SLC29A4: variants seen among roughly 807,000 people sequenced by gnomAD.
The protein encoded by SLC29A4 is equilibrative nucleoside transporter 4.
SLC29A4 carries 36 observed loss-of-function variants against 43.9 expected under a neutral mutation model. The observed-to-expected ratio is 0.82, with a 90% CI of 0.63 to 1.08. SLC29A4 has a LOEUF of 1.08. SLC29A4 is among the 50% of genes least tolerant of loss of function. The pLI is 0.00. For missense variants in SLC29A4, 869 were observed against 755.3 expected, an observed-to-expected ratio of 1.15 and a Z score of -1.77; for synonymous variants, 491 against 338.0, an observed-to-expected ratio of 1.45 and a Z score of -4.97.
intron 1 of SLC29A4, among the ~76,000 whole-genome samples, chr7:5,287,516 G>A (rs1271269750): frequency 3.9e-5 from 6 of 152,170 alleles, no homozygotes; most frequent in Non-Finnish European, 8.8e-5. Context: ...TCCCCCCAGG[G>A]GATACAGTCC....
chr7:5,290,078 G>T (rs1389889024), intron 2 of SLC29A4, among the ~76,000 whole-genome samples: 5 of 129,976 alleles, frequency 3.8e-5, no homozygotes, highest in African/African-American at 1.1e-4. Flanking sequence ...TTTTGAGACG[G>T]AGTCTCACTC....
At position 5,299,077 on chromosome 7, in the gene SLC29A4, C is replaced by G; in HGVS notation, c.972C>G (p.Arg324=). 6.2e-7 allele frequency: 1 copy of G among 1,611,070 alleles called. No homozygotes were observed. Among genetic ancestry groups the G allele is most frequent in the Non-Finnish European group, 8.5e-7 (1 of 1,179,556 alleles). Residue 324 remains arginine, a synonymous_variant, in exon 8 of 11, where the codon CGC becomes CGG. Transcript: ENST00000396872. ...CCGGCAGCGGCGGGGCCTACATGCG[C>G]TTTGATGTGCCGCGGCCAAGGGTCC... The part of the protein sequence containing the change: ...EVTGSGGAYM[R]FDVPRPRVQR...
intron 5 of SLC29A4, 35 bp downstream of exon 5, chr7:5,291,856 G>A: frequency 6.3e-7 from 1 of 1,599,536 alleles, no homozygotes; most frequent in Non-Finnish European, 8.5e-7. Context: ...GGCCTTGAGT[G>A]CCCACTTCCG....
Position 5,303,279 on chromosome 7 carries a change from C to A in SLC29A4, c.*340C>A. On this transcript the variant is annotated 3_prime_UTR_variant, in exon 11 of 11. Transcript: ENST00000396872. ...ACACGCACCGTGTCCCCACCCAGGA[C>A]AGCAGACACCCGCCAGAGTGTGCGC... 1 of 385,616 alleles carries A rather than the reference C, an allele frequency of 2.6e-6. No individual in the cohort carries two copies. Among genetic ancestry groups the A allele is most frequent in the Non-Finnish European group, 4.8e-6 (1 of 209,040 alleles). 23.9% of individuals were successfully genotyped at this position (385,616 alleles called of 1,614,324 possible).
In SLC29A4 at chr7:5,299,222, C is replaced by A. The variant is rs370148311; in HGVS notation, c.1022-18C>A. The A allele has an allele frequency of 4.4e-5, 71 of 1,604,316 alleles. No homozygotes were observed. Among genetic ancestry groups the A allele is most frequent in the Non-Finnish European group, 5.7e-5 (67 of 1,174,344 alleles). ...TCCCCGTGGGCGCTGCCTCTGACCCCCGCCCGCCACCCTCCAGCCCTGTTA... is the reference window on the plus strand; with the variant it reads ...TCCCCGTGGGCGCTGCCTCTGACCCACGCCCGCCACCCTCCAGCCCTGTTA... On this transcript the variant is annotated intron_variant, in intron 8 of 10. Transcript: ENST00000396872.
chr7:5,305,185 C>T lies in SLC29A4; in HGVS notation c.*2246C>T, dbSNP rs569221376. ...TTGATGTGGGTCCCGTAAAGGAGGG[C>T]ACGAGGGCCACCTATGCTCTGGCAG... On this transcript the variant is annotated 3_prime_UTR_variant, in exon 11 of 11. Transcript: ENST00000396872. 2.3e-4 allele frequency: 35 copies of T among 152,522 alleles called. No homozygotes were observed. The highest frequency in any genetic ancestry group is 7.9e-4 in the African/African-American group (33 of 41,582). 9.4% of individuals were successfully genotyped at this position (152,522 alleles called of 1,614,324 possible).
At position 5,285,275 on chromosome 7, in the gene SLC29A4, C is replaced by T. The variant is rs375880653; in HGVS notation, c.-9+2193C>T. On this transcript the variant is annotated intron_variant, in intron 1 of 10. Coordinates refer to ENST00000396872, the MANE Select transcript of SLC29A4 (RefSeq NM_153247.4). ...CTCGGCCGCCACCCCACCCCACCCCCAACCCCCCAGCTCCAGATGTGGCAG... is the reference window on the plus strand; with the variant it reads ...CTCGGCCGCCACCCCACCCCACCCCTAACCCCCCAGCTCCAGATGTGGCAG... Among the ~76,000 whole-genome samples the T allele has an allele frequency of 6.6e-5, 10 of 151,564 alleles. No homozygotes were observed. The South Asian group carries it at 2.1e-3, about 32-fold the overall frequency.
intron 7 of SLC29A4, among the ~76,000 whole-genome samples, chr7:5,297,582 A>G (rs7806335): frequency 0.035 from 5,344 of 152,308 alleles, 323 homozygotes; most frequent in African/African-American, 0.12. Context: ...GGCTGCGCCA[A>G]CCCACGTTGG....
At chr7:5,294,999 C>G in intron 6 of SLC29A4, 65 bp downstream of exon 6, 1 of 1,407,184 alleles carries the variant, frequency 7.1e-7, no homozygotes, top group African/African-American at 1.5e-5. Flanking sequence ...AAGCTTCTTC[C>G]CAGGGACTCC....
intron 10 of SLC29A4, among the ~76,000 whole-genome samples, chr7:5,301,187 C>A (rs1048998132): frequency 6.6e-6 from 1 of 151,724 alleles, no homozygotes; most frequent in East Asian, 1.9e-4. Context: ...TCACTTGAGC[C>A]CAGGAGTTGG....
chr7:5,299,064 G>T lies in SLC29A4; in HGVS notation c.959G>T (p.Gly320Val). ...GCCCACGAGGTGACCGGCAGCGGCG[G>T]GGCCTACATGCGCTTTGATGTGCCG... ...SPAHEVTGSG[G>V]AYMRFDVPRP... Residue 320 changes from glycine (G) to valine (V), a missense_variant, in exon 8 of 11, where the codon GGG (glycine) becomes GTG (valine). By Grantham distance (109) the Gly-to-Val change is moderately radical (BLOSUM62 -3). Transcript: ENST00000396872. The T allele has an allele frequency of 6.2e-7, 1 of 1,611,316 alleles. No individual in the cohort carries two copies. Among genetic ancestry groups the T allele is most frequent in the Non-Finnish European group, 8.5e-7 (1 of 1,179,668 alleles).
rs1785775089 is a variant in SLC29A4 at position 5,297,283 on chromosome 7, C to CCTCTCACCTGCATCCCAGA, written c.882+88_882+106dup. The CCTCTCACCTGCATCCCAGA allele has an allele frequency of 1.9e-5, 27 of 1,399,196 alleles. No homozygotes were observed. The South Asian group carries it at 2.4e-4, about 12-fold the overall frequency. 86.7% of individuals were successfully genotyped at this position (1,399,196 alleles called of 1,614,324 possible). ...TCGTCGGGAAGTACCTGGGGCCCAG[C>CCTCTCACCTGCATCCCAGA]CTCTCACCTGCATCCCAGACTGTGG... On this transcript the variant is annotated intron_variant, in intron 7 of 10. Transcript: ENST00000396872.
intron 5 of SLC29A4, 79 bp from the exon 6 acceptor site, chr7:5,294,781 C>T: frequency 6.9e-7 from 1 of 1,456,052 alleles, no homozygotes; most frequent in Non-Finnish European, 9.6e-7. Flanking sequence ...CGTCCACCAA[C>T]ACAGTTCTCT....
rs142745008 is a variant in SLC29A4 at position 5,296,994 on chromosome 7, C to G, written c.678C>G (p.Asp226Glu). ...TCCTCACGAAGCTGCTGCTGCCCGA[C>G]GAGCGCGCCAGCACGCTCATCTTCT... The part of the protein sequence containing the change: ...SRILTKLLLP[D>E]ERASTLIFFL... Residue 226 changes from aspartate (D) to glutamate (E), a missense_variant, in exon 7 of 11, where the codon GAC becomes GAG. Coordinates refer to ENST00000396872, the MANE Select transcript of SLC29A4 (RefSeq NM_153247.4). 6.9e-6 allele frequency: 11 copies of G among 1,603,868 alleles called. No homozygotes were observed. The East Asian group carries it at 8.9e-5, about 13-fold the overall frequency.
chr7:5,298,127 A>G (rs376442579), intron 7 of SLC29A4, among the ~76,000 whole-genome samples: 2 of 152,190 alleles, frequency 1.3e-5, no homozygotes, highest in African/African-American at 4.8e-5. Context: ...ATGGTCATGC[A>G]GGCCTTGATC....
In SLC29A4 at chr7:5,299,274, G is replaced by C. The variant is rs1453383777; in HGVS notation, c.1056G>C (p.Val352=). 1 of 1,612,104 alleles carries C rather than the reference G, an allele frequency of 6.2e-7. No homozygotes were observed. The highest frequency in any genetic ancestry group is 1.1e-5 in the South Asian group (1 of 91,018). ...LLLHRYVVAR[V]IWADMLSIAV... is the part of the protein sequence containing the mutation. ...TGCACCGCTACGTGGTGGCGCGGGT[G>C]ATCTGGGCCGACATGCTCTCCATCG... The change falls in exon 9 of 11, where the codon GTG becomes GTC. Residue 352 remains valine (V), a synonymous_variant. Coordinates refer to ENST00000396872, the MANE Select transcript of SLC29A4 (RefSeq NM_153247.4).
At chr7:5,292,236 G>A (rs1785356373) in intron 5 of SLC29A4, among the ~76,000 whole-genome samples, 1 of 152,120 alleles carries the variant, frequency 6.6e-6, no homozygotes, top group South Asian at 2.1e-4. Context: ...TCAGCCTCCT[G>A]AGTAGCTAGG....
intron 3 of SLC29A4, 58 bp downstream of exon 3, chr7:5,290,921 C>A: frequency 6.4e-7 from 1 of 1,566,922 alleles, no homozygotes; most frequent in Non-Finnish European, 8.7e-7. Context: ...GGCCTGGGGC[C>A]TCCCAGAAAC....
In SLC29A4 at chr7:5,300,575, C is replaced by A. The variant is rs760756705; in HGVS notation, c.1363C>A (p.Leu455Ile). 1.9e-6 allele frequency: 3 copies of A among 1,612,146 alleles called. No homozygotes were observed. Among genetic ancestry groups the A allele is most frequent in the Non-Finnish European group, 2.5e-6 (3 of 1,179,552 alleles). Residue 455 changes from leucine to isoleucine, a missense_variant, in exon 10 of 11, where the codon CTC (leucine) becomes ATC (isoleucine). Physicochemically the swap from Leu to Ile is conservative, Grantham distance 5. Transcript: ENST00000396872. ...HPAWPCIFSL[L>I]MGISNGYFGS... is the part of the protein sequence containing the mutation. ...CGCCTGGCCCTGCATCTTCTCACTG[C>A]TCATGGGCATCAGCAACGGCTACTT...
Sources: gnomAD v4.1 joint callset for allele counts (sites outside exome capture counted in the v4.1 genomes callset) on GRCh38, gnomAD v4.1.1 for gene constraint, MANE v1.5 for transcripts, NCBI Gene and HGNC (gene_info 2026-07-23, HGNC 2026-07-21) for gene names.